The following SHISA9 variants were observed in gnomAD, a reference collection of about 807,000 sequenced individuals.
SHISA9 encodes the protein protein shisa-9.
SHISA9 carries 13 observed loss-of-function variants against 38.0 expected under a neutral mutation model. The observed-to-expected ratio is 0.34, with a 90% CI of 0.22 to 0.54. The LOEUF is 0.54. Among genes scored for constraint, SHISA9 ranks in the 20% least tolerant of loss-of-function variants. SHISA9 has a pLI of 0.91. For missense variants in SHISA9, 538 were observed against 575.8 expected (o/e 0.93, Z 0.67); for synonymous variants, 275 against 242.0 (o/e 1.14, Z -1.27).
intron 2 of SHISA9, among the ~76,000 whole-genome samples, chr16:13,095,596 G>A (rs2073817212): frequency 6.6e-6 from 1 of 152,218 alleles, no homozygotes; most frequent in Non-Finnish European, 1.5e-5. Flanking sequence ...CTACAGTCCA[G>A]ACCATCTTCA....
intron 2 of SHISA9, among the ~76,000 whole-genome samples, chr16:12,953,091 G>T (rs982422763): frequency 6.6e-6 from 1 of 151,940 alleles, no homozygotes; most frequent in Non-Finnish European, 1.5e-5. Context: ...AATAGAAGGT[G>T]ATGTGTGTGG....
the SHISA9 span, among the ~76,000 whole-genome samples, chr16:13,398,208 A>C: frequency 6.6e-6 from 1 of 152,174 alleles, no homozygotes; most frequent in African/African-American, 2.4e-5. Context: ...ACATTTGGGC[A>C]GGAAAACAGA....
At chr16:13,514,069 A>G in the SHISA9 span, among the ~76,000 whole-genome samples, 1 of 152,130 alleles carries the variant, frequency 6.6e-6, no homozygotes, top group African/African-American at 2.4e-5. Context: ...ATCTCGGCTC[A>G]CTGCAACCTC....
chr16:13,509,787 T>C, the SHISA9 span, among the ~76,000 whole-genome samples: 1 of 152,208 alleles, frequency 6.6e-6, no homozygotes, highest in African/African-American at 2.4e-5. Flanking sequence ...GACTACTTTT[T>C]AAGATAGGTG....
the SHISA9 span, among the ~76,000 whole-genome samples, chr16:13,481,183 G>T: frequency 6.6e-6 from 1 of 152,098 alleles, no homozygotes; most frequent in Non-Finnish European, 1.5e-5. Flanking sequence ...ACCTCTGAGC[G>T]TTGATTTCCA....
At chr16:13,260,017 T>TC in the SHISA9 span, among the ~76,000 whole-genome samples, 1 of 110,816 alleles carries the variant, frequency 9.0e-6, no homozygotes, top group South Asian at 3.2e-4. Flanking sequence ...CTTTTTTTTT[T>TC]TTTTTTTTTT....
chr16:13,538,984 C>A, the SHISA9 span, among the ~76,000 whole-genome samples: 3 of 151,998 alleles, frequency 2.0e-5, no homozygotes, highest in East Asian at 5.8e-4. Flanking sequence ...GAGTTAATTG[C>A]AAAGCCAGAA....
At chr16:13,430,762 T>C in the SHISA9 span, among the ~76,000 whole-genome samples, 1 of 150,232 alleles carries the variant, frequency 6.7e-6, no homozygotes, top group Non-Finnish European at 1.5e-5. Context: ...AAAAAAATTT[T>C]GTTTTGATTA....
At chr16:13,074,633 A>G (rs1263731862) in intron 2 of SHISA9, among the ~76,000 whole-genome samples, 2 of 148,918 alleles carry the variant, frequency 1.3e-5, no homozygotes, top group South Asian at 4.3e-4. Context: ...CATCATTACT[A>G]TTATTTTTTT....
At chr16:13,273,305 C>T in the SHISA9 span, among the ~76,000 whole-genome samples, 1 of 152,146 alleles carries the variant, frequency 6.6e-6, no homozygotes, top group African/African-American at 2.4e-5. Context: ...GTTGCTTAAC[C>T]CCTGATATGG....
intron 2 of SHISA9, among the ~76,000 whole-genome samples, chr16:13,193,592 C>T (rs908236355): frequency 1.3e-5 from 2 of 152,158 alleles, no homozygotes; most frequent in African/African-American, 2.4e-5. Flanking sequence ...GTGATCCACC[C>T]GCCTTGGACT....
chr16:13,034,723 A>T (rs943224199), intron 2 of SHISA9, among the ~76,000 whole-genome samples: 1 of 152,212 alleles, frequency 6.6e-6, no homozygotes, highest in African/African-American at 2.4e-5. Flanking sequence ...AGGAGTGACT[A>T]TGTGCCAATT....
chr16:13,203,630 GT>G, intron 3 of SHISA9, 81 bp downstream of exon 3: 1 of 1,315,686 alleles, frequency 7.6e-7, no homozygotes, highest in East Asian at 2.9e-5. Flanking sequence ...TTTATCTCCA[GT>G]TTTCTTTCCT....
chr16:12,998,191 G>A (rs1310909359), intron 2 of SHISA9, among the ~76,000 whole-genome samples: 1 of 152,186 alleles, frequency 6.6e-6, no homozygotes, highest in Non-Finnish European at 1.5e-5. Context: ...CTCTCTGATA[G>A]TAAGAGGAAC....
the SHISA9 span, among the ~76,000 whole-genome samples, chr16:13,407,503 T>C: frequency 6.6e-6 from 1 of 152,066 alleles, no homozygotes; most frequent in African/African-American, 2.4e-5. Flanking sequence ...ATTTAACATA[T>C]CTATTTTGAG....
At chr16:13,151,467 T>A (rs955033919) in intron 2 of SHISA9, among the ~76,000 whole-genome samples, 1 of 152,196 alleles carries the variant, frequency 6.6e-6, no homozygotes, top group East Asian at 1.9e-4. Flanking sequence ...CCAGCTCACC[T>A]TCTTCTTATG....
At chr16:13,175,739 C>T (rs775619346) in intron 2 of SHISA9, among the ~76,000 whole-genome samples, 1 of 152,216 alleles carries the variant, frequency 6.6e-6, no homozygotes, top group African/African-American at 2.4e-5. Flanking sequence ...CATTGCAGGA[C>T]ATTTTAGCAA....
At chr16:13,170,836 T>C (rs759567700) in intron 2 of SHISA9, among the ~76,000 whole-genome samples, 2 of 152,120 alleles carry the variant, frequency 1.3e-5, no homozygotes, top group Non-Finnish European at 2.9e-5. Flanking sequence ...TTTGTATTTT[T>C]AGTACAGATG....
intron 2 of SHISA9, among the ~76,000 whole-genome samples, chr16:13,023,467 C>A (rs1187413237): frequency 6.6e-6 from 1 of 152,256 alleles, no homozygotes; most frequent in East Asian, 1.9e-4. Context: ...GTGAATAGTG[C>A]CGCAATAAAC....
Sources: gnomAD v4.1 joint callset for allele counts (sites outside exome capture counted in the v4.1 genomes callset) on GRCh38, gnomAD v4.1.1 for gene constraint, MANE v1.5 for transcripts, NCBI Gene and HGNC (gene_info 2026-07-23, HGNC 2026-07-21) for gene names.